Variants in FAT1 observed in about 807,000 individuals in gnomAD.
The protein encoded by FAT1 is protocadherin Fat 1.
In FAT1, 171 loss-of-function variants were observed where a neutral mutation model predicts 329.8. That is an observed-to-expected ratio of 0.52 (90% CI 0.46 to 0.59). The LOEUF is 0.59. FAT1 is among the 20% of genes least tolerant of loss of function. The pLI, the probability that FAT1 is intolerant of heterozygous loss-of-function variation, is 0.00. For missense variants in FAT1, 5,672 were observed against 5,774.4 expected (o/e 0.98, Z 0.57); for synonymous variants, 2,233 against 2,228.6 (o/e 1.00, Z -0.06).
At chr4:186,656,989 C>T (rs1270774348) in intron 3 of FAT1, among the ~76,000 whole-genome samples, 1 of 152,044 alleles carries the variant, frequency 6.6e-6, no homozygotes, top group African/African-American at 2.4e-5. Flanking sequence ...AAGAAGCAGA[C>T]AAAATGAATG....
intron 3 of FAT1, among the ~76,000 whole-genome samples, chr4:186,657,690 T>G (rs1741968946): frequency 6.6e-6 from 1 of 152,146 alleles, no homozygotes; most frequent in African/African-American, 2.4e-5. Flanking sequence ...CAATACTTGG[T>G]TTGTAGCAAA....
rs772771901 is a variant in FAT1 at position 186,619,367 on chromosome 4, G to A, written c.7219C>T (p.His2407Tyr). Residue 2407 changes from histidine to tyrosine, a missense_variant, in exon 10 of 27, where the codon CAT becomes TAT. By Grantham distance (83) the His-to-Tyr change is moderately conservative. Coordinates refer to ENST00000441802, the MANE Select transcript of FAT1 (RefSeq NM_005245.4). The stretch of plus-strand genomic sequence containing the variant: ...TAGGCTTTTACACAGGTCACGAAAT[G>A]CCCATGAGGGGCGTGCTCGCTAATT... ...ARISEHAPHG[H>Y]FVTCVKAYDA... 2 of 1,613,910 alleles carry A rather than the reference G, an allele frequency of 1.2e-6. No homozygotes were observed. The highest frequency in any genetic ancestry group is 8.5e-7 in the Non-Finnish European group (1 of 1,179,902).
chr4:186,625,211 T>C (rs1740243280), intron 9 of FAT1, among the ~76,000 whole-genome samples: 1 of 152,240 alleles, frequency 6.6e-6, no homozygotes, highest in African/African-American at 2.4e-5. Flanking sequence ...AGTTTGTCTA[T>C]GACAGAATTA....
In FAT1 at chr4:186,709,443, C is replaced by G. The variant is rs41278611; in HGVS notation, c.385G>C (p.Val129Leu). The G allele has an allele frequency of 0.038, 61,189 of 1,613,910 alleles. 1,352 individuals are homozygous for G. The highest frequency in any genetic ancestry group is 0.055 in the Middle Eastern group (334 of 6,062). The change falls in exon 2 of 27, where the codon GTG becomes CTG. Residue 129 changes from valine (V) to leucine (L), a missense_variant. By Grantham distance (32) the Val-to-Leu change is conservative. Transcript: ENST00000441802. Reference protein sequence around the residue: ...IVKALEKNTNVEARTKVRVQV... With the variant: ...IVKALEKNTNLEARTKVRVQV... ...ACCCTGACCTTTGTTCGCGCCTCCACATTAGTATTTTTTTCAAGTGCTTTC... is the reference window on the plus strand; with the variant it reads ...ACCCTGACCTTTGTTCGCGCCTCCAGATTAGTATTTTTTTCAAGTGCTTTC...
At chr4:186,602,871 A>T (rs1387009212) in intron 20 of FAT1, 32 bp downstream of exon 20, 1 of 1,573,374 alleles carries the variant, frequency 6.4e-7, no homozygotes, top group South Asian at 1.2e-5. Context: ...GATTTTTAAA[A>T]ATAAAAGTAT....
In FAT1 at chr4:186,620,937, T is replaced by C; in HGVS notation, c.5649A>G (p.Leu1883=). 3 of 1,614,038 alleles carry C rather than the reference T, an allele frequency of 1.9e-6. No homozygotes were observed. The highest frequency in any genetic ancestry group is 2.5e-6 in the Non-Finnish European group (3 of 1,179,906). ...NDCPPVFAKP[L]YEASLLLPTY... is the part of the protein sequence containing the mutation. ...TTGGTAACAAAAGAGATGCTTCATA[T>C]AATGGCTTGGCAAACACAGGGGGGC... The change falls in exon 10 of 27, where the codon TTA becomes TTG. Residue 1883 remains leucine, a synonymous_variant. Transcript: ENST00000441802.
rs1412271283 is a variant in FAT1, at chr4:186,706,889, C to T, written c.2939G>A (p.Ser980Asn). 1.9e-6 allele frequency: 3 copies of T among 1,614,006 alleles called. No individual in the cohort carries two copies. Among genetic ancestry groups the T allele is most frequent in the Non-Finnish European group, 2.5e-6 (3 of 1,179,892 alleles). ...CTGCTGGACGATCCTAACTGCTCCACTGAGTTTATCCACATCGAAGTTTCC... is the reference window on the plus strand; with the variant it reads ...CTGCTGGACGATCCTAACTGCTCCATTGAGTTTATCCACATCGAAGTTTCC... ...GEGNFDVDKL[S>N]GAVRIVQQLD... Residue 980 changes from serine (S) to asparagine (N), a missense_variant, in exon 2 of 27, where the codon AGT becomes AAT. Ser to Asn is a conservative substitution (Grantham distance 46). This residue lies in a region of FAT1 where 3,966 missense variants were observed against 3,915.2 expected (regional missense o/e 1.01). Coordinates refer to ENST00000441802, the MANE Select transcript of FAT1 (RefSeq NM_005245.4).
intron 24 of FAT1, chr4:186,597,378 G>C: frequency 1.6e-6 from 1 of 607,462 alleles, no homozygotes; most frequent in South Asian, 2.3e-5. Flanking sequence ...GCATGCTTTT[G>C]ATGTATATTT....
Position 186,620,015 on chromosome 4 carries a change from T to C in FAT1, c.6571A>G (p.Ile2191Val). 1 of 1,614,054 alleles carries C rather than the reference T, an allele frequency of 6.2e-7. No individual in the cohort carries two copies. The highest frequency in any genetic ancestry group is 8.5e-7 in the Non-Finnish European group (1 of 1,179,902). ...VFEKPFYSAE[I>V]AESIQVHSPV... ...CTGTGCACCTGGATGCTCTCTGCAA[T>C]CTCTGCACTGTAGAAAGGTTTTTCA... Residue 2191 changes from isoleucine (I) to valine (V), a missense_variant, in exon 10 of 27, where the codon ATT becomes GTT. This residue lies in a region of FAT1 where 3,966 missense variants were observed against 3,915.2 expected (regional missense o/e 1.01). Transcript: ENST00000441802.
intron 2 of FAT1, among the ~76,000 whole-genome samples, chr4:186,667,856 G>A (rs1004810488): frequency 5.9e-5 from 9 of 152,310 alleles, no homozygotes; most frequent in South Asian, 2.1e-4. Flanking sequence ...GGTGGGATCC[G>A]GAGCTGAGCC....
intron 9 of FAT1, among the ~76,000 whole-genome samples, chr4:186,625,752 T>C (rs1191681196): frequency 6.6e-6 from 1 of 152,282 alleles, no homozygotes; most frequent in African/African-American, 2.4e-5. Context: ...GGATCTGGCA[T>C]GAGCAGGAAC....
At position 186,609,184 on chromosome 4, in the gene FAT1, G is replaced by C. The variant is rs202039105; in HGVS notation, c.10205C>G (p.Thr3402Arg). 1 of 1,611,058 alleles carries C rather than the reference G, an allele frequency of 6.2e-7. No homozygotes were observed. The highest frequency in any genetic ancestry group is 8.5e-7 in the Non-Finnish European group (1 of 1,179,030). The change falls in exon 16 of 27, where the codon ACG becomes AGG. Residue 3402 changes from threonine to arginine, a missense_variant and splice_region_variant. By Grantham distance (71) the Thr-to-Arg change is moderately conservative. This residue lies in a region of FAT1 where 1,706 missense variants were observed against 1,859.1 expected (regional missense o/e 0.92). Transcript: ENST00000441802. The part of the protein sequence containing the change: ...VKVTKLLDRE[T>R]ISGYTLTVQA... ...CGTAAATCAACCTTTTTCACTTACC[G>C]TTTCTCGGTCGAGAAGTTTGGTCAC...
intron 1 of FAT1, among the ~76,000 whole-genome samples, chr4:186,716,279 T>G (rs867059919): frequency 6.6e-6 from 1 of 152,214 alleles, no homozygotes; most frequent in Non-Finnish European, 1.5e-5. Flanking sequence ...GAGAACTCTG[T>G]GTTCTCCCTC....
intron 3 of FAT1, among the ~76,000 whole-genome samples, chr4:186,654,629 G>A (rs1265867292): frequency 6.6e-6 from 1 of 152,178 alleles, no homozygotes; most frequent in East Asian, 1.9e-4. Flanking sequence ...TACTCTACAG[G>A]TTGGGCGCAG....
chr4:186,660,259 T>C (rs1251971763), intron 3 of FAT1, among the ~76,000 whole-genome samples: 2 of 152,084 alleles, frequency 1.3e-5, no homozygotes, highest in East Asian at 1.9e-4. Flanking sequence ...GCTTTAAAGG[T>C]TGTAAGAAGA....
At chr4:186,711,421 CT>C (rs1744946787) in intron 1 of FAT1, among the ~76,000 whole-genome samples, 1 of 152,182 alleles carries the variant, frequency 6.6e-6, no homozygotes, top group Admixed American at 6.5e-5. Context: ...CCAAAACTAT[CT>C]CTTTAAGTAT....
chr4:186,641,804 C>T (rs1031860770), intron 3 of FAT1, among the ~76,000 whole-genome samples: 3 of 151,960 alleles, frequency 2.0e-5, no homozygotes, highest in Admixed American at 2.0e-4. Flanking sequence ...CTCAGAGGTT[C>T]GAGACCAGCC....
chr4:186,611,822 T>C (rs1219322171), intron 13 of FAT1, 47 bp from the exon 14 acceptor site: 2 of 1,458,714 alleles, frequency 1.4e-6, no homozygotes, highest in Admixed American at 2.5e-5. Flanking sequence ...TAAAAAAGTT[T>C]AACACTTTTT....
Position 186,707,998 on chromosome 4 carries a change from AT to A in FAT1, c.1829del (p.Asn610MetfsTer8). The A allele has an allele frequency of 6.2e-7, 1 of 1,613,936 alleles. No homozygotes were observed. Among genetic ancestry groups the A allele is most frequent in the Non-Finnish European group, 8.5e-7 (1 of 1,179,876 alleles). On this transcript the variant is annotated frameshift_variant, in exon 2 of 27. Coordinates refer to ENST00000441802, the MANE Select transcript of FAT1 (RefSeq NM_005245.4). LOFTEE classifies it high-confidence loss of function. ...QLVQYQIEAG[N>X]ELDFFSLNPN... The stretch of plus-strand genomic sequence containing the variant: ...GGTTTAAACTAAAGAAATCCAGTTC[AT>A]TTCCAGCTTCAATCTGATACTGTAC...
Sources: gnomAD v4.1 joint callset for allele counts (sites outside exome capture counted in the v4.1 genomes callset) on GRCh38, gnomAD v4.1.1 for gene constraint, gnomAD v4.1.1 regional missense constraint, MANE v1.5 for transcripts, NCBI Gene and HGNC (gene_info 2026-07-23, HGNC 2026-07-21) for gene names.